The following ANO2 variants were observed in gnomAD, a reference collection of about 807,000 sequenced individuals.
ANO2 encodes anoctamin-2.
In ANO2, 101 loss-of-function variants were observed where a neutral mutation model predicts 124.2. The observed-to-expected ratio is 0.81, with a 90% CI of 0.69 to 0.96. The LOEUF is 0.96. Ranked by LOEUF, ANO2 falls within the 40% of genes least tolerant of loss-of-function variation. The pLI is 0.00. For synonymous variants in ANO2, 486 were observed against 482.5 expected (o/e 1.01, Z -0.09); for missense variants, 1,293 against 1,274.5 (o/e 1.01, Z -0.22).
intron 1 of ANO2, among the ~76,000 whole-genome samples, chr12:5,924,544 A>G (rs983194771): frequency 6.6e-6 from 1 of 152,190 alleles, no homozygotes; most frequent in Non-Finnish European, 1.5e-5. Flanking sequence ...TTGTGGGAGG[A>G]AAATGAAAAC....
chr12:5,701,995 G>A (rs182905215), intron 14 of ANO2, among the ~76,000 whole-genome samples: 102 of 151,286 alleles, frequency 6.7e-4, no homozygotes, highest in Non-Finnish European at 1.1e-3. Context: ...ATTTCCAACC[G>A]AATTAAAATA....
At chr12:5,873,400 G>A (rs1937865253) in intron 3 of ANO2, among the ~76,000 whole-genome samples, 1 of 152,126 alleles carries the variant, frequency 6.6e-6, no homozygotes, top group Non-Finnish European at 1.5e-5. Context: ...AAATGAATCT[G>A]GGACTCTGTG....
intron 14 of ANO2, among the ~76,000 whole-genome samples, chr12:5,711,915 A>G (rs539194902): frequency 1.3e-5 from 2 of 152,340 alleles, no homozygotes; most frequent in African/African-American, 4.8e-5. Context: ...TTGACTGAAC[A>G]GGCTTTTCAG....
chr12:5,632,461 G>A (rs781746064), intron 16 of ANO2, among the ~76,000 whole-genome samples: 1 of 151,966 alleles, frequency 6.6e-6, no homozygotes, highest in Non-Finnish European at 1.5e-5. Context: ...TACTTTATGA[G>A]TATCACTCTC....
At chr12:5,738,721 G>A (rs1950974773) in intron 13 of ANO2, among the ~76,000 whole-genome samples, 1 of 152,146 alleles carries the variant, frequency 6.6e-6, no homozygotes, top group Admixed American at 6.5e-5. Flanking sequence ...TGGGGGGCTA[G>A]TCCTCAGAAG....
chr12:5,811,901 A>C (rs1953400271), intron 7 of ANO2, among the ~76,000 whole-genome samples: 1 of 152,198 alleles, frequency 6.6e-6, no homozygotes, highest in Non-Finnish European at 1.5e-5. Context: ...TAAGAGGGAA[A>C]GGTTGAGTTG....
At chr12:5,883,682 C>G (rs1041072877) in intron 3 of ANO2, among the ~76,000 whole-genome samples, 1 of 152,164 alleles carries the variant, frequency 6.6e-6, no homozygotes, top group Admixed American at 6.5e-5. Context: ...CCCTGCTCCT[C>G]TACCACCAGG....
intron 1 of ANO2, among the ~76,000 whole-genome samples, chr12:5,943,493 T>G (rs1942977632): frequency 1.3e-5 from 2 of 152,116 alleles, no homozygotes; most frequent in South Asian, 4.1e-4. Flanking sequence ...TATCATGGAC[T>G]TTGGGGACTC....
At chr12:5,801,827 T>C (rs570159097) in intron 9 of ANO2, among the ~76,000 whole-genome samples, 1 of 152,330 alleles carries the variant, frequency 6.6e-6, no homozygotes, top group East Asian at 1.9e-4. Flanking sequence ...TTATTCTTAT[T>C]AGTACATCTC....
intron 3 of ANO2, among the ~76,000 whole-genome samples, chr12:5,916,207 G>A (rs1009992343): frequency 1.3e-5 from 2 of 152,168 alleles, no homozygotes; most frequent in African/African-American, 4.8e-5. Context: ...CACCTGGGGA[G>A]TTGAGCCTGC....
chr12:5,635,213 G>A lies in ANO2; in HGVS notation c.1755C>T (p.Leu585=), dbSNP rs776841463. ...TVTATAVIIN[L]VVILILDEIY... is the part of the protein sequence containing the mutation. ...TCTCGTCCAGGATGAGGATGACCAC[G>A]AGGTTGATGATGACTGCTGTTGCTG... is the stretch of plus-strand genomic sequence containing the variant. Residue 585 remains leucine, a synonymous_variant, in exon 16 of 25, where the codon CTC becomes CTT. Coordinates refer to ENST00000682330, the MANE Select transcript of ANO2 (RefSeq NM_001364791.2). The surrounding 1 kb of genome is among the most constrained non-coding windows in gnomAD (Gnocchi z 5.2). 69 of 1,611,308 alleles carry A rather than the reference G, an allele frequency of 4.3e-5. 3 individuals carry two copies. In the South Asian group the frequency reaches 6.5e-4, roughly 15 times the overall value.
intron 7 of ANO2, among the ~76,000 whole-genome samples, chr12:5,818,016 A>G (rs1279657615): frequency 1.3e-5 from 2 of 152,216 alleles, no homozygotes; most frequent in Non-Finnish European, 2.9e-5. Flanking sequence ...GGTGCAGTAA[A>G]GAAGGCTTGG....
chr12:5,755,958 T>C (rs1036685323), intron 10 of ANO2, among the ~76,000 whole-genome samples: 1 of 152,194 alleles, frequency 6.6e-6, no homozygotes, highest in Admixed American at 6.5e-5. Flanking sequence ...TCTTTTTCTT[T>C]CTTTAGTCTC....
chr12:5,871,413 GTA>G (rs1202778686), intron 3 of ANO2, among the ~76,000 whole-genome samples: 1 of 152,174 alleles, frequency 6.6e-6, no homozygotes, highest in African/African-American at 2.4e-5. Flanking sequence ...CTAGAATAGA[GTA>G]TGCACTCTAA....
intron 4 of ANO2, among the ~76,000 whole-genome samples, chr12:5,850,613 G>A (rs190624715): frequency 6.6e-6 from 1 of 152,226 alleles, no homozygotes; most frequent in East Asian, 1.9e-4. Context: ...TTGACAAACA[G>A]AATTGGTGCT....
At position 5,862,034 on chromosome 12, in the gene ANO2, C is replaced by T. The variant is rs1955286194; in HGVS notation, c.535-7893G>A. Among the ~76,000 whole-genome samples, 1 of 152,234 alleles carries T rather than the reference C, an allele frequency of 6.6e-6. No homozygotes were observed. Among genetic ancestry groups the T allele is most frequent in the Non-Finnish European group, 1.5e-5 (1 of 68,044 alleles). ...TCGTGAAGATCAAAGCCTTAACTTC[C>T]TTTTGGCTCTCAAGAATGTACAGCC... On this transcript the variant is annotated intron_variant, in intron 3 of 24. Coordinates refer to ENST00000682330, the MANE Select transcript of ANO2 (RefSeq NM_001364791.2). The surrounding 1 kb of genome is among the most constrained non-coding windows in gnomAD (Gnocchi z 4.0).
At chr12:5,567,340 G>A (rs923741622) in intron 23 of ANO2, among the ~76,000 whole-genome samples, 15 of 152,324 alleles carry the variant, frequency 9.8e-5, no homozygotes, top group South Asian at 4.1e-4. Context: ...GAGGGAGAGC[G>A]TGGCTAAATG....
At chr12:5,675,281 T>C (rs1948187236) in intron 14 of ANO2, among the ~76,000 whole-genome samples, 1 of 152,238 alleles carries the variant, frequency 6.6e-6, no homozygotes, top group Admixed American at 6.5e-5. Flanking sequence ...TTCTGCCAGC[T>C]GCAGCTCATC....
intron 3 of ANO2, among the ~76,000 whole-genome samples, chr12:5,893,159 A>C (rs1939526637): frequency 6.6e-6 from 1 of 152,122 alleles, no homozygotes; most frequent in South Asian, 2.1e-4. Flanking sequence ...ATATCAGAAA[A>C]CTCTTCTGGA....
Sources: gnomAD v4.1 joint callset for allele counts (sites outside exome capture counted in the v4.1 genomes callset) on GRCh38, gnomAD v4.1.1 for gene constraint, Gnocchi (gnomAD v3.1) non-coding constraint, MANE v1.5 for transcripts, NCBI Gene and HGNC (gene_info 2026-07-23, HGNC 2026-07-21) for gene names.